DMD: variants seen among roughly 807,000 people sequenced by gnomAD.
DMD encodes dystrophin.
Under a neutral mutation model 330.1 loss-of-function variants are expected in DMD, and 63 were observed. That is an observed-to-expected ratio of 0.19 (90% confidence interval 0.16 to 0.24). The LOEUF is 0.24. Ranked by LOEUF, DMD falls within the 10% of genes least tolerant of loss-of-function variation. The pLI is 1.00. For missense variants in DMD, 3,344 were observed against 2,684.1 expected (o/e 1.25, Z -5.43); for synonymous variants, 1,223 against 959.8 (o/e 1.27, Z -5.07).
At chrX:32,726,889 G>A (rs185300816) in intron 7 of DMD, among the ~76,000 whole-genome samples, 1 of 110,009 alleles carries the variant, frequency 9.1e-6, no homozygotes, top group East Asian at 2.9e-4. Flanking sequence ...TAGGCCTAAC[G>A]TTTACTAGAT....
At chrX:32,272,045 G>C (rs752067128) in intron 43 of DMD, among the ~76,000 whole-genome samples, 2 of 111,512 alleles carry the variant, frequency 1.8e-5, no homozygotes, top group Non-Finnish European at 3.8e-5. Flanking sequence ...AAACCATACT[G>C]CATTCCACTT....
intron 1 of DMD, among the ~76,000 whole-genome samples, chrX:33,111,767 C>T (rs147828841): frequency 0.029 from 3,159 of 110,375 alleles, 128 homozygotes; most frequent in African/African-American, 0.099. Context: ...CCACCACGCC[C>T]GGCTGATTTT....
intron 1 of DMD, among the ~76,000 whole-genome samples, chrX:33,302,122 G>T (rs894730292): frequency 9.0e-6 from 1 of 110,901 alleles, no homozygotes; most frequent in Non-Finnish European, 1.9e-5. Context: ...TTAATGTTCC[G>T]TTGCAACAGA....
At chrX:33,219,306 T>G (rs1035498941) in intron 1 of DMD, among the ~76,000 whole-genome samples, 2 of 72,975 alleles carry the variant, frequency 2.7e-5, no homozygotes, top group Non-Finnish European at 5.6e-5. Flanking sequence ...TTAGAGATTA[T>G]TGTGTGTGTG....
rs999034753 is a variant in DMD at position 32,524,181 on chromosome X, G to A, written c.2169-6050C>T. 2.5e-4 allele frequency among the ~76,000 whole-genome samples: 28 copies of A among 111,104 alleles called. 1 individual carries two copies. The highest frequency in any genetic ancestry group is 8.9e-4 in the African/African-American group (27 of 30,505). On this transcript the variant is annotated intron_variant, in intron 17 of 78. Transcript: ENST00000357033. ...GATCTCCTGACCTCTAGATCCGCCC[G>A]CCTCGGCCTCCCAAAGTGCTGGGAT...
chrX:31,478,436 G>T, intron 58 of DMD, 62 bp from the exon 59 acceptor site: 1 of 1,186,297 alleles, frequency 8.4e-7, no homozygotes, highest in African/African-American at 1.7e-5. Context: ...TTGTCAAAAA[G>T]GTCATACTGG....
intron 1 of DMD, among the ~76,000 whole-genome samples, chrX:33,079,788 G>A (rs749758739): frequency 4.5e-5 from 5 of 111,395 alleles, no homozygotes; most frequent in East Asian, 5.7e-4. Flanking sequence ...TGACCAAAAC[G>A]ATAACTCCAA....
chrX:32,011,972 A>G (rs1348128522), intron 44 of DMD, among the ~76,000 whole-genome samples: 3 of 111,995 alleles, frequency 2.7e-5, no homozygotes, highest in African/African-American at 6.5e-5. Context: ...ATTCTGAATT[A>G]TCTTTGGCTT....
In DMD at chrX:33,009,152, ACGT is replaced by A. The variant is rs1569548822; in HGVS notation, c.93+10984_93+10986del. Among the ~76,000 whole-genome samples the A allele has an allele frequency of 7.4e-5, 2 of 26,998 alleles. 1 individual carries two copies. Among genetic ancestry groups the A allele is most frequent in the Non-Finnish European group, 1.3e-4 (2 of 15,010 alleles). 23.4% of individuals were successfully genotyped at this position (26,998 alleles called of 115,157 possible). ...TATATGTATATATATGTGTATATAT[ACGT>A]ATATATGTATATATATGTGTATATA... is the stretch of plus-strand genomic sequence containing the variant. On this transcript the variant is annotated intron_variant, in intron 2 of 78. Transcript: ENST00000357033.
intron 44 of DMD, among the ~76,000 whole-genome samples, chrX:31,993,456 C>T (rs995079063): frequency 5.4e-5 from 6 of 111,247 alleles, no homozygotes; most frequent in African/African-American, 1.3e-4. Flanking sequence ...CTTTTTAATA[C>T]GCTAATGTCA....
At chrX:32,286,093 C>A (rs1413105197) in intron 43 of DMD, among the ~76,000 whole-genome samples, 1 of 110,841 alleles carries the variant, frequency 9.0e-6, no homozygotes, top group Non-Finnish European at 1.9e-5. Context: ...ACATTGAACA[C>A]CCACTTTGTG....
In DMD at chrX:32,041,137, A is replaced by G. The variant is rs2095998438; in HGVS notation, c.6439-72623T>C. Among the ~76,000 whole-genome samples, 3 of 112,283 alleles carry G rather than the reference A, an allele frequency of 2.7e-5. No individual in the cohort carries two copies. In the East Asian group the frequency reaches 8.5e-4, roughly 32 times the overall value. On this transcript the variant is annotated intron_variant, in intron 44 of 78. Transcript: ENST00000357033. ...TCCATTCAAAAGAATGGCTAAGATG[A>G]GATTAATCTTGCATTTCCCGGATGC...
At chrX:32,071,064 T>C (rs140600935) in intron 44 of DMD, among the ~76,000 whole-genome samples, 1,573 of 111,340 alleles carry the variant, frequency 0.014, 27 homozygotes, top group African/African-American at 0.049. Context: ...CAGTCTATCA[T>C]TGTCGGACAT....
intron 1 of DMD, among the ~76,000 whole-genome samples, chrX:33,031,022 G>A (rs932650000): frequency 1.8e-5 from 2 of 111,354 alleles, no homozygotes; most frequent in African/African-American, 6.5e-5. Context: ...ATGGAGTAAA[G>A]GTTAATAAAA....
intron 61 of DMD, among the ~76,000 whole-genome samples, chrX:31,337,140 G>A (rs2057449800): frequency 9.1e-6 from 1 of 109,490 alleles, no homozygotes; most frequent in Middle Eastern, 4.7e-3. Context: ...GGCCAGGTTG[G>A]TCTCCAACTC....
intron 60 of DMD, among the ~76,000 whole-genome samples, chrX:31,370,918 C>T (rs1012290168): frequency 1.8e-5 from 2 of 111,847 alleles, no homozygotes; most frequent in African/African-American, 6.5e-5. Context: ...GAGTCAAGTC[C>T]ATCCCAAAAT....
At chrX:32,458,659 A>G (rs1172910763) in intron 25 of DMD, among the ~76,000 whole-genome samples, 1 of 111,263 alleles carries the variant, frequency 9.0e-6, no homozygotes, top group East Asian at 2.8e-4. Flanking sequence ...AACACTTAGT[A>G]TCTTTTGCTT....
intron 2 of DMD, among the ~76,000 whole-genome samples, chrX:32,863,509 C>CA (rs544421635): frequency 0.36 from 17,645 of 48,973 alleles, 2,905 homozygotes; most frequent in Middle Eastern, 0.46. Flanking sequence ...GACTCCGTCT[C>CA]AAAAAAAAAA....
intron 78 of DMD, among the ~76,000 whole-genome samples, chrX:31,123,697 G>T (rs1211087199): frequency 8.9e-6 from 1 of 112,092 alleles, no homozygotes. Context: ...AACAAAATCA[G>T]TAAAAACAAA....
Sources: gnomAD v4.1 joint callset for allele counts (sites outside exome capture counted in the v4.1 genomes callset) on GRCh38, gnomAD v4.1.1 for gene constraint, MANE v1.5 for transcripts, NCBI Gene and HGNC (gene_info 2026-07-23, HGNC 2026-07-21) for gene names.